CHD5: variants seen among roughly 807,000 people sequenced by gnomAD.
CHD5 encodes chromodomain helicase DNA binding protein 5.
In CHD5, 69 loss-of-function variants were observed where a neutral mutation model predicts 230.3. That is an observed-to-expected ratio of 0.30 (90% CI 0.25 to 0.37). The LOEUF (loss-of-function observed/expected upper bound fraction) is 0.37, where lower values mean the gene tolerates loss of function less well. Ranked by LOEUF, CHD5 falls within the 10% of genes least tolerant of loss-of-function variation. CHD5 has a pLI of 1.00. For missense variants in CHD5, 1,827 were observed against 2,622.8 expected, an observed-to-expected ratio of 0.70 and a Z score of 6.63; for synonymous variants, 1,064 against 1,065.9, an observed-to-expected ratio of 1.00 and a Z score of 0.03.
Position 6,134,365 on chromosome 1 carries a change from G to T in CHD5, c.3013-106C>A. On this transcript the variant is annotated intron_variant, in intron 19 of 41. Coordinates refer to ENST00000262450, the MANE Select transcript of CHD5 (RefSeq NM_015557.3). This position sits in a 1 kb window ranked among gnomAD's most constrained non-coding sequence, Gnocchi z 6.3. The stretch of plus-strand genomic sequence containing the variant: ...GACAAGTGCTGAGCAATGGGGTGAT[G>T]GCCTGTCTGCCCACTGAACATGAGA... The T allele has an allele frequency of 7.4e-7, 1 of 1,342,432 alleles. No homozygotes were observed. The highest frequency in any genetic ancestry group is 1.0e-6 in the Non-Finnish European group (1 of 968,226). The allele number at this position is 1,342,432 out of a possible 1,614,324, so 83.2% of individuals were successfully genotyped here. A position where few individuals can be genotyped will look rare whatever the true frequency, so the allele number is the denominator to read the frequency against.
Position 6,134,568 on chromosome 1 carries a change from A to G in CHD5, c.3012+150T>C. Reference sequence around the variant, plus strand: ...GAGTGGCCACAGGCAACCTTCCATGATGGCCAGGGAAACCTACCATGACAG... The same window carrying G: ...GAGTGGCCACAGGCAACCTTCCATGGTGGCCAGGGAAACCTACCATGACAG... On this transcript the variant is annotated intron_variant, in intron 19 of 41. Coordinates refer to ENST00000262450, the MANE Select transcript of CHD5 (RefSeq NM_015557.3). The surrounding 1 kb of genome is among the most constrained non-coding windows in gnomAD (Gnocchi z 6.3). 1 of 898,660 alleles carries G rather than the reference A, an allele frequency of 1.1e-6. No homozygotes were observed. Among genetic ancestry groups the G allele is most frequent in the Non-Finnish European group, 1.8e-6 (1 of 566,504 alleles). 55.7% of individuals were successfully genotyped at this position (898,660 alleles called of 1,614,324 possible).
At chr1:6,144,881 G>A (rs546456576) in intron 11 of CHD5, among the ~76,000 whole-genome samples, 4 of 152,354 alleles carry the variant, frequency 2.6e-5, no homozygotes, top group South Asian at 2.1e-4. Flanking sequence ...CCGTTACCAC[G>A]GCAACCGATG....
At position 6,134,964 on chromosome 1, in the gene CHD5, C is replaced by G. The variant is rs2746067; in HGVS notation, c.2871-105G>C. ...AAGCTGGTGGCCAAGCACCCATTTACAGAGAGACCCAAGGGACCCCCAAGA... is the reference window on the plus strand; with the variant it reads ...AAGCTGGTGGCCAAGCACCCATTTAGAGAGAGACCCAAGGGACCCCCAAGA... On this transcript the variant is annotated intron_variant, in intron 18 of 41. Coordinates refer to ENST00000262450, the MANE Select transcript of CHD5 (RefSeq NM_015557.3). This position sits in a 1 kb window ranked among gnomAD's most constrained non-coding sequence, Gnocchi z 6.3. The G allele has an allele frequency of 3.4e-6, 5 of 1,458,996 alleles. No individual in the cohort carries two copies. The South Asian group carries it at 4.9e-5, about 14-fold the overall frequency. 90.4% of individuals were successfully genotyped at this position (1,458,996 alleles called of 1,614,324 possible). A position where few individuals can be genotyped will look rare whatever the true frequency, so the allele number is the denominator to read the frequency against.
At position 6,129,522 on chromosome 1, in the gene CHD5, A is replaced by G. The variant is rs1666618940; in HGVS notation, c.3388-453T>C. ...CAAGGAGCTGAATCTGCCCAGTATA[A>G]TACAAGGAAGTGCCTGAGACTCTGT... On this transcript the variant is annotated intron_variant, in intron 22 of 41. Transcript: ENST00000262450. The surrounding 1 kb of genome is among the most constrained non-coding windows in gnomAD (Gnocchi z 6.8). Among the ~76,000 whole-genome samples, 1 of 152,168 alleles carries G rather than the reference A, an allele frequency of 6.6e-6. No homozygotes were observed. Among genetic ancestry groups the G allele is most frequent in the East Asian group, 1.9e-4 (1 of 5,196 alleles).
intron 3 of CHD5, among the ~76,000 whole-genome samples, chr1:6,158,685 T>G (rs912004568): frequency 1.3e-5 from 2 of 151,950 alleles, no homozygotes; most frequent in African/African-American, 4.8e-5. Context: ...CCCAGCACTT[T>G]GGGAGGCCAA....
Position 6,125,102 on chromosome 1 carries a change from A to G in CHD5, c.4392T>C (p.Phe1464=). The G allele has an allele frequency of 2.5e-6, 4 of 1,586,420 alleles. No individual in the cohort carries two copies. The highest frequency in any genetic ancestry group is 3.4e-6 in the Non-Finnish European group (4 of 1,166,164). ...RDLRGKSEKE[F]RAYVSLFMRH... ...GGGCCACCACCTAGCCCCTTTACCT[A>G]AACTCCTTCTCGCTCTTCCCTCGAA... Residue 1464 remains phenylalanine, a splice_region_variant and synonymous_variant, in exon 29 of 42, where the codon TTT becomes TTC. Transcript: ENST00000262450. The surrounding 1 kb of genome is among the most constrained non-coding windows in gnomAD (Gnocchi z 6.7).
chr1:6,159,302 C>T (rs375537431), intron 3 of CHD5, 34 bp downstream of exon 3: 34 of 1,550,008 alleles, frequency 2.2e-5, no homozygotes, highest in Admixed American at 1.4e-4. Context: ...AGGGGGATGT[C>T]GCTCTGTCCC....
chr1:6,136,421 C>G, intron 17 of CHD5, 96 bp downstream of exon 17: 1 of 1,419,522 alleles, frequency 7.0e-7, no homozygotes, highest in East Asian at 2.3e-5. Context: ...AAGCAACGGC[C>G]GAGCAGGTCT....
In CHD5 at chr1:6,125,330, G is replaced by A. The variant is rs1257756825; in HGVS notation, c.4261-97C>T. On this transcript the variant is annotated intron_variant, in intron 28 of 41. Coordinates refer to ENST00000262450, the MANE Select transcript of CHD5 (RefSeq NM_015557.3). The surrounding 1 kb of genome is among the most constrained non-coding windows in gnomAD (Gnocchi z 6.7). ...GAAGAAAAGCATGGGAGGAGGAGAA[G>A]GTAGGAAGGGGGCACAGAGAAGGCA... is the stretch of plus-strand genomic sequence containing the variant. 5 of 1,317,692 alleles carry A rather than the reference G, an allele frequency of 3.8e-6. No individual in the cohort carries two copies. The highest frequency in any genetic ancestry group is 5.2e-6 in the Non-Finnish European group (5 of 966,600). The allele number at this position is 1,317,692 out of a possible 1,614,324, so 81.6% of individuals were successfully genotyped here. A position where few individuals can be genotyped will look rare whatever the true frequency, so the allele number is the denominator to read the frequency against.
intron 33 of CHD5, among the ~76,000 whole-genome samples, chr1:6,115,011 C>A (rs1412732920): frequency 1.5e-5 from 2 of 135,912 alleles, no homozygotes; most frequent in Non-Finnish European, 3.1e-5. Flanking sequence ...GAGACTCCAT[C>A]TCAAAAAAAA....
chr1:6,177,503 C>T (rs1395646856), intron 1 of CHD5, among the ~76,000 whole-genome samples: 1 of 152,304 alleles, frequency 6.6e-6, no homozygotes, highest in African/African-American at 2.4e-5. Context: ...CTGATGACAA[C>T]GTTTCGAGTA....
Position 6,125,894 on chromosome 1 carries a change from T to C in CHD5, c.4079-36A>G. 6.5e-7 allele frequency: 1 copy of C among 1,533,896 alleles called. No homozygotes were observed. Among genetic ancestry groups the C allele is most frequent in the Non-Finnish European group, 9.0e-7 (1 of 1,113,798 alleles). ...CCAGACAGAGGGGCACGGAGTGAGC[T>C]GTACAAGCAAAGCCCACCCTCAAGT... On this transcript the variant is annotated intron_variant, in intron 26 of 41. Transcript: ENST00000262450. This position sits in a 1 kb window ranked among gnomAD's most constrained non-coding sequence, Gnocchi z 6.7.
chr1:6,114,150 G>A (rs186625661), intron 33 of CHD5, among the ~76,000 whole-genome samples: 4 of 152,280 alleles, frequency 2.6e-5, no homozygotes, highest in Admixed American at 2.6e-4. Context: ...CTACTCGGGA[G>A]GTTGAGGCAG....
intron 33 of CHD5, among the ~76,000 whole-genome samples, chr1:6,117,187 C>G (rs969688510): frequency 6.6e-6 from 1 of 151,806 alleles, no homozygotes; most frequent in South Asian, 2.1e-4. Context: ...ATATAAAGTA[C>G]AAAATAAGAT....
In CHD5 at chr1:6,134,062, A is replaced by T; in HGVS notation, c.3144+66T>A. The stretch of plus-strand genomic sequence containing the variant: ...GGGTGCCAGCAAGTTTGCGCCCCCA[A>T]GCATCAGGGCAGGATGCTCTCTGTG... On this transcript the variant is annotated intron_variant, in intron 20 of 41. Coordinates refer to ENST00000262450, the MANE Select transcript of CHD5 (RefSeq NM_015557.3). This position sits in a 1 kb window ranked among gnomAD's most constrained non-coding sequence, Gnocchi z 6.3. 6.6e-7 allele frequency: 1 copy of T among 1,526,234 alleles called. No homozygotes were observed. Among genetic ancestry groups the T allele is most frequent in the Non-Finnish European group, 8.9e-7 (1 of 1,120,854 alleles). The allele number at this position is 1,526,234 out of a possible 1,614,324, so 94.5% of individuals were successfully genotyped here.
At position 6,105,115 on chromosome 1, in the gene CHD5, A is replaced by C. The variant is rs138070556; in HGVS notation, c.*359T>G. On this transcript the variant is annotated 3_prime_UTR_variant, in exon 42 of 42. Coordinates refer to ENST00000262450, the MANE Select transcript of CHD5 (RefSeq NM_015557.3). This position sits in a 1 kb window ranked among gnomAD's most constrained non-coding sequence, Gnocchi z 4.8. ...TCCATACGTCATCCAACTTTTATCA[A>C]GACAAACGTGTTCAAGTCTTCAATA... 7.8e-5 allele frequency: 26 copies of C among 334,152 alleles called. No individual in the cohort carries two copies. Among genetic ancestry groups the C allele is most frequent in the Middle Eastern group, 1.1e-3 (1 of 920 alleles). The allele number at this position is 334,152 out of a possible 1,614,324, so 20.7% of individuals were successfully genotyped here.
intron 38 of CHD5, among the ~76,000 whole-genome samples, chr1:6,108,684 A>G: frequency 7.3e-6 from 1 of 137,560 alleles, no homozygotes; most frequent in Non-Finnish European, 1.6e-5. Flanking sequence ...GGAAGGATGG[A>G]GGGGTGGAAG....
intron 7 of CHD5, 115 bp from the exon 8 acceptor site, chr1:6,149,527 G>T: frequency 9.5e-7 from 1 of 1,049,092 alleles, no homozygotes; most frequent in South Asian, 2.2e-5. Flanking sequence ...AGGGTGGATG[G>T]AAAGGTGGGT....
intron 11 of CHD5, among the ~76,000 whole-genome samples, chr1:6,145,393 TA>T (rs1489167537): frequency 6.6e-6 from 1 of 152,190 alleles, no homozygotes; most frequent in Non-Finnish European, 1.5e-5. Context: ...GGCCACAGGG[TA>T]GCTGGGATGG....
Sources: gnomAD v4.1 joint callset for allele counts (sites outside exome capture counted in the v4.1 genomes callset) on GRCh38, gnomAD v4.1.1 for gene constraint, Gnocchi (gnomAD v3.1) non-coding constraint, MANE v1.5 for transcripts, NCBI Gene and HGNC (gene_info 2026-07-23, HGNC 2026-07-21) for gene names.